The following TTC39B variants were observed in gnomAD, a reference collection of about 807,000 sequenced individuals.
TTC39B encodes the protein tetratricopeptide repeat protein 39B.
In TTC39B, 92 loss-of-function variants were observed where a neutral mutation model predicts 96.6. That is an observed-to-expected ratio of 0.95 (90% confidence interval 0.80 to 1.13). The LOEUF is 1.13. Among genes scored for constraint, TTC39B ranks in the 50% most tolerant of loss-of-function variants. The pLI, the probability that TTC39B is intolerant of heterozygous loss-of-function variation, is 0.00. For missense variants in TTC39B, 955 were observed against 809.3 expected (o/e 1.18, Z -2.18); for synonymous variants, 367 against 299.4 (o/e 1.23, Z -2.33).
intron 2 of TTC39B, among the ~76,000 whole-genome samples, chr9:15,266,714 CT>C (rs1295910529): frequency 6.6e-6 from 1 of 152,032 alleles, no homozygotes; most frequent in East Asian, 1.9e-4. Flanking sequence ...AATATGGAGC[CT>C]TTGGGAGACA....
intron 2 of TTC39B, chr9:15,249,816 T>TA (rs1300100227): frequency 2.5e-5 from 25 of 983,048 alleles, no homozygotes; most frequent in Non-Finnish European, 3.0e-5. Context: ...AACTGGAGTT[T>TA]AAAAAATTTA....
rs538215491 is a variant in TTC39B at position 15,264,633 on chromosome 9, C to T, written c.275+3281G>A. Among the ~76,000 whole-genome samples, 353 of 132,394 alleles carry T rather than the reference C, an allele frequency of 2.7e-3. 2 individuals are homozygous for T. The highest frequency in any genetic ancestry group is 4.8e-3 in the East Asian group (22 of 4,590). 86.9% of individuals were successfully genotyped at this position (132,394 alleles called of 152,430 possible). A position where few individuals can be genotyped will look rare whatever the true frequency, so the allele number is the denominator to read the frequency against. ...TCACACCATTGCACTCTAGCCTGGG[C>T]GACAGAGCGAGACTCTGTCTTAAAA... On this transcript the variant is annotated intron_variant, in intron 2 of 19. Coordinates refer to ENST00000512701, the Ensembl canonical transcript of TTC39B.
chr9:15,302,380 G>T (rs894157614), intron 1 of TTC39B, among the ~76,000 whole-genome samples: 3 of 150,790 alleles, frequency 2.0e-5, no homozygotes, highest in Non-Finnish European at 4.4e-5. Context: ...ACTTTGGGAG[G>T]TCGAGGTGGG....
intron 1 of TTC39B, among the ~76,000 whole-genome samples, chr9:15,274,773 G>A (rs1186853623): frequency 6.6e-6 from 1 of 151,668 alleles, no homozygotes; most frequent in Non-Finnish European, 1.5e-5. Context: ...CAAATTCCAG[G>A]CAATAATTTT....
chr9:15,269,865 G>GA lies in TTC39B; in HGVS notation c.241-1918dup, dbSNP rs35716121. ...GTGAGACTCCGTCTCCAAAAAAAAA[G>GA]AAAAAAAAAAAAAGAAGAACCGACT... is the stretch of plus-strand genomic sequence containing the variant. On this transcript the variant is annotated intron_variant, in intron 1 of 19. Transcript: ENST00000512701. Among the ~76,000 whole-genome samples the GA allele has an allele frequency of 4.6e-4, 64 of 140,614 alleles. No homozygotes were observed. The East Asian group carries it at 8.9e-3, about 20-fold the overall frequency. 92.2% of individuals were successfully genotyped at this position (140,614 alleles called of 152,430 possible). A position where few individuals can be genotyped will look rare whatever the true frequency, so the allele number is the denominator to read the frequency against.
chr9:15,225,009 A>G (rs1821044439), intron 3 of TTC39B, among the ~76,000 whole-genome samples: 1 of 152,110 alleles, frequency 6.6e-6, no homozygotes, highest in African/African-American at 2.4e-5. Context: ...AGTTTAATAA[A>G]CCTCTAAGGA....
exon 20 of TTC39B, chr9:15,171,954 AT>A: frequency 8.0e-7 from 1 of 1,244,286 alleles, no homozygotes; most frequent in Non-Finnish European, 1.2e-6. Flanking sequence ...CCACTTTAAT[AT>A]AAGGTTGAAT....
intron 1 of TTC39B, among the ~76,000 whole-genome samples, chr9:15,300,613 C>T (rs1356466150): frequency 6.6e-6 from 1 of 152,176 alleles, no homozygotes; most frequent in Non-Finnish European, 1.5e-5. Flanking sequence ...TGGCTGGTTG[C>T]AGTGGCTCAC....
At chr9:15,214,362 CTG>C (rs1820392047) in intron 3 of TTC39B, 113 bp from the exon 4 acceptor site, 25 of 580,982 alleles carry the variant, frequency 4.3e-5, no homozygotes, top group East Asian at 6.1e-5. Context: ...GTGTGTGTGT[CTG>C]TGTGTGTGTC....
At chr9:15,256,712 C>T (rs1822764396) in intron 2 of TTC39B, among the ~76,000 whole-genome samples, 2 of 152,004 alleles carry the variant, frequency 1.3e-5, no homozygotes, top group African/African-American at 4.8e-5. Context: ...GGAGGATGGC[C>T]AGCAAAAAGC....
chr9:15,176,472 T>C (rs1476518479), intron 18 of TTC39B, among the ~76,000 whole-genome samples: 1 of 152,192 alleles, frequency 6.6e-6, no homozygotes, highest in Non-Finnish European at 1.5e-5. Context: ...TCCTCCTATA[T>C]TCCCATCAAT....
At chr9:15,266,906 C>T (rs1466584313) in intron 2 of TTC39B, among the ~76,000 whole-genome samples, 1 of 151,992 alleles carries the variant, frequency 6.6e-6, no homozygotes, top group Non-Finnish European at 1.5e-5. Flanking sequence ...GGTGAAACCC[C>T]GTCTCTACTA....
exon 18 of TTC39B, chr9:15,177,700 T>C (rs754943659): frequency 3.7e-6 from 6 of 1,606,532 alleles, no homozygotes; most frequent in Non-Finnish European, 5.1e-6. Context: ...GTCTTACCTT[T>C]CCACAACATG....
chr9:15,215,717 G>C (rs1273184061), intron 3 of TTC39B, among the ~76,000 whole-genome samples: 1 of 151,376 alleles, frequency 6.6e-6, no homozygotes, highest in South Asian at 2.1e-4. Context: ...AATTAGCTAG[G>C]CTGGGTGTGG....
exon 20 of TTC39B, chr9:15,171,761 G>GC (rs1564303774): frequency 4.4e-6 from 1 of 226,776 alleles, no homozygotes; most frequent in African/African-American, 2.3e-5. Flanking sequence ...AGACTTCTTC[G>GC]CCCCCTAATT....
chr9:15,171,971 G>T, exon 20 of TTC39B: 3 of 1,386,104 alleles, frequency 2.2e-6, no homozygotes, highest in Non-Finnish European at 3.1e-6. Context: ...TGAATCTATA[G>T]CAGATGCCGA....
intron 2 of TTC39B, among the ~76,000 whole-genome samples, chr9:15,266,153 G>A (rs746044104): frequency 5.3e-5 from 8 of 151,970 alleles, no homozygotes; most frequent in Non-Finnish European, 7.4e-5. Flanking sequence ...AAACCTGGGT[G>A]GGGTACACAG....
intron 1 of TTC39B, among the ~76,000 whole-genome samples, chr9:15,285,116 T>C (rs1290911820): frequency 6.6e-6 from 1 of 151,558 alleles, no homozygotes; most frequent in Non-Finnish European, 1.5e-5. Flanking sequence ...AAAAACAAAA[T>C]CAGCCGGGCG....
intron 2 of TTC39B, among the ~76,000 whole-genome samples, chr9:15,264,517 A>G (rs1190715720): frequency 1.3e-5 from 2 of 151,872 alleles, no homozygotes; most frequent in African/African-American, 4.8e-5. Flanking sequence ...AGCTGGACGT[A>G]GTTGGCAGGC....
Sources: allele counts gnomAD v4.1 joint callset (sites outside exome capture counted in the v4.1 genomes callset), GRCh38; gene constraint gnomAD v4.1.1; transcripts MANE v1.5; gene names NCBI Gene and HGNC (gene_info 2026-07-23, HGNC 2026-07-21).